CCDC15: variants seen among roughly 807,000 people sequenced by gnomAD.
CCDC15 encodes coiled-coil domain-containing protein 15.
A neutral mutation model predicts 114.5 loss-of-function variants in CCDC15; 105 were observed. That is an observed-to-expected ratio of 0.92 (90% CI 0.78 to 1.08). The LOEUF (loss-of-function observed/expected upper bound fraction) is 1.08. CCDC15 is among the 50% of genes least tolerant of loss of function. The pLI is 0.00. For missense variants in CCDC15, 1,105 were observed against 1,093.6 expected, an observed-to-expected ratio of 1.01 and a Z score of -0.15; for synonymous variants, 334 against 377.8, an observed-to-expected ratio of 0.88 and a Z score of 1.34.
chr11:124,963,444 T>G (rs1947710514), intron 4 of CCDC15, among the ~76,000 whole-genome samples: 1 of 152,260 alleles, frequency 6.6e-6, no homozygotes, highest in South Asian at 2.1e-4. Flanking sequence ...TGTCTTCTTT[T>G]GAGAAGTGTC....
intron 13 of CCDC15, among the ~76,000 whole-genome samples, chr11:125,020,541 A>G (rs1948654450): frequency 6.6e-6 from 1 of 152,016 alleles, no homozygotes; most frequent in Admixed American, 6.6e-5. Context: ...GCAAACACCC[A>G]ATGCAGCACG....
Position 125,018,738 on chromosome 11 carries a change from A to G in CCDC15, c.2411+13526A>G, listed in dbSNP as rs2135534557. On this transcript the variant is annotated intron_variant, in intron 13 of 15. Transcript: ENST00000344762. ...CACAAATATAGTATGTACTCAGTAA[A>G]GATTAGCTGCTGCTTATCATGAGAA... Among the ~76,000 whole-genome samples, 4 of 152,172 alleles carry G rather than the reference A, an allele frequency of 2.6e-5. No homozygotes were observed. The Middle Eastern group carries it at 0.01, about 388-fold the overall frequency.
intron 4 of CCDC15, 110 bp downstream of exon 4, chr11:124,960,113 T>A: frequency 1.4e-6 from 1 of 695,590 alleles, no homozygotes; most frequent in South Asian, 5.7e-5. Context: ...CACACTCAGC[T>A]TCACTTTTGA....
chr11:124,962,130 AAT>A (rs1401359181), intron 4 of CCDC15, among the ~76,000 whole-genome samples: 4 of 152,176 alleles, frequency 2.6e-5, no homozygotes, highest in African/African-American at 7.2e-5. Context: ...ACTCCATGAC[AAT>A]AGATGCTTTC....
chr11:124,957,961 A>C (rs1453345199), intron 2 of CCDC15, among the ~76,000 whole-genome samples: 1 of 152,180 alleles, frequency 6.6e-6, no homozygotes. Flanking sequence ...AGAGAGGAAC[A>C]TAATTGTTGG....
At chr11:125,003,444 A>C (rs1189934027) in intron 11 of CCDC15, among the ~76,000 whole-genome samples, 1 of 151,946 alleles carries the variant, frequency 6.6e-6, no homozygotes, top group African/African-American at 2.4e-5. Flanking sequence ...GATTGATATA[A>C]TATTTTCTCT....
chr11:124,991,383 C>A, intron 8 of CCDC15, 78 bp from the exon 9 acceptor site: 1 of 999,750 alleles, frequency 1.0e-6, no homozygotes, highest in Non-Finnish European at 1.4e-6. Flanking sequence ...CTTTGGCCTT[C>A]AATGAAGCCT....
intron 13 of CCDC15, among the ~76,000 whole-genome samples, chr11:125,031,127 G>A (rs570163435): frequency 2.6e-5 from 4 of 152,344 alleles, no homozygotes; most frequent in African/African-American, 9.6e-5. Context: ...TGCACAACCA[G>A]GTGCATTGCT....
intron 13 of CCDC15, among the ~76,000 whole-genome samples, chr11:125,025,224 T>C (rs933861777): frequency 3.3e-5 from 5 of 149,330 alleles, no homozygotes; most frequent in African/African-American, 1.2e-4. Context: ...AAGAAATGAA[T>C]GTTAAACCAA....
At position 125,003,947 on chromosome 11, in the gene CCDC15, AGAT is replaced by A; in HGVS notation, c.2296_2298del (p.Asp766del). 6.5e-7 allele frequency: 1 copy of A among 1,528,882 alleles called. No homozygotes were observed. The allele number at this position is 1,528,882 out of a possible 1,614,324, so 94.7% of individuals were successfully genotyped here. A position where few individuals can be genotyped will look rare whatever the true frequency, so the allele number is the denominator to read the frequency against. ...TTCAGTCTGACGTGGATAAAGAAGAAGATAAGAAAGAGGTATGTAATGATACTG... is the reference window on the plus strand; with the variant it reads ...TTCAGTCTGACGTGGATAAAGAAGAAAAGAAAGAGGTATGTAATGATACTG... On this transcript the variant is annotated inframe_deletion, in exon 12 of 16. Coordinates refer to ENST00000344762, the MANE Select transcript of CCDC15 (RefSeq NM_025004.3).
At chr11:125,004,968 T>C (rs1290901500) in intron 12 of CCDC15, 141 bp from the exon 13 acceptor site, 1 of 484,508 alleles carries the variant, frequency 2.1e-6, no homozygotes, top group Non-Finnish European at 3.7e-6. Flanking sequence ...CAGAAGGAAA[T>C]TAAAGACTTA....
At chr11:124,955,038 G>A (rs1947524984) in intron 2 of CCDC15, 129 bp downstream of exon 2, 3 of 826,964 alleles carry the variant, frequency 3.6e-6, no homozygotes, top group Middle Eastern at 3.6e-4. Flanking sequence ...AATAGTTTAT[G>A]CTCTTGCATT....
chr11:124,993,715 G>A (rs1487376871), intron 11 of CCDC15, among the ~76,000 whole-genome samples: 1 of 152,108 alleles, frequency 6.6e-6, no homozygotes, highest in African/African-American at 2.4e-5. Context: ...GCAACAGAAA[G>A]CAAATTAGAG....
At chr11:124,958,907 G>A (rs1947604037) in intron 2 of CCDC15, among the ~76,000 whole-genome samples, 1 of 151,960 alleles carries the variant, frequency 6.6e-6, no homozygotes, top group African/African-American at 2.4e-5. Flanking sequence ...GGTTTTATTT[G>A]GTTCATTAAG....
At position 125,041,458 on chromosome 11, in the gene CCDC15, A is replaced by C. The variant is rs1397932610; in HGVS notation, c.*747A>C. 2 of 152,108 alleles carry C rather than the reference A, an allele frequency of 1.3e-5. No individual in the cohort carries two copies. Among genetic ancestry groups the C allele is most frequent in the Non-Finnish European group, 2.9e-5 (2 of 67,986 alleles). 9.4% of individuals were successfully genotyped at this position (152,108 alleles called of 1,614,324 possible). On this transcript the variant is annotated 3_prime_UTR_variant, in exon 16 of 16. Coordinates refer to ENST00000344762, the MANE Select transcript of CCDC15 (RefSeq NM_025004.3). Reference sequence around the variant, plus strand: ...TGGTATATGACATGGCTACAGGGCAAATGAAATAAAAATTGCCATAGTTGG... The same window carrying C: ...TGGTATATGACATGGCTACAGGGCACATGAAATAAAAATTGCCATAGTTGG...
chr11:124,975,241 A>G (rs1404895210), intron 5 of CCDC15, 32 bp downstream of exon 5: 2 of 1,278,362 alleles, frequency 1.6e-6, no homozygotes, highest in Non-Finnish European at 2.2e-6. Flanking sequence ...GATTTAAAAA[A>G]ATACAGGTAA....
intron 13 of CCDC15, among the ~76,000 whole-genome samples, chr11:125,025,623 AT>A (rs564492612): frequency 1.3e-5 from 2 of 151,892 alleles, no homozygotes; most frequent in Admixed American, 6.6e-5. Context: ...TAGGTTATCA[AT>A]TTTTTTCTTG....
intron 13 of CCDC15, among the ~76,000 whole-genome samples, chr11:125,009,711 G>T (rs1425197751): frequency 1.3e-5 from 2 of 152,072 alleles, no homozygotes; most frequent in Non-Finnish European, 2.9e-5. Flanking sequence ...GTGTCTACGT[G>T]TACCTAAAGT....
chr11:124,992,156 A>G (rs1245980626), intron 9 of CCDC15, among the ~76,000 whole-genome samples: 1 of 152,224 alleles, frequency 6.6e-6, no homozygotes, highest in Non-Finnish European at 1.5e-5. Flanking sequence ...CAGTGGTACA[A>G]AAGACCCTGG....
Sources: allele counts gnomAD v4.1 joint callset (sites outside exome capture counted in the v4.1 genomes callset), GRCh38; gene constraint gnomAD v4.1.1; transcripts MANE v1.5; gene names NCBI Gene and HGNC (gene_info 2026-07-23, HGNC 2026-07-21).